ZBBX: variants seen among roughly 807,000 people sequenced by gnomAD.
ZBBX encodes the protein zinc finger B-box domain-containing protein 1.
In ZBBX, 101 loss-of-function variants were observed where a neutral mutation model predicts 108.5. That is an observed-to-expected ratio of 0.93 (90% confidence interval 0.79 to 1.10). The LOEUF (loss-of-function observed/expected upper bound fraction) is 1.10. ZBBX is among the 50% of genes least tolerant of loss of function. The pLI is 0.00. For synonymous variants in ZBBX, 356 were observed against 323.4 expected, an observed-to-expected ratio of 1.10 and a Z score of -1.08; for missense variants, 1,009 against 941.4, an observed-to-expected ratio of 1.07 and a Z score of -0.94.
intron 20 of ZBBX, among the ~76,000 whole-genome samples, chr3:167,277,816 A>T (rs1390191803): frequency 6.6e-6 from 1 of 152,188 alleles, no homozygotes; most frequent in African/African-American, 2.4e-5. Context: ...GCACCACACC[A>T]CATCTATTCC....
At chr3:167,234,774 T>C in the ZBBX span, among the ~76,000 whole-genome samples, 2 of 151,654 alleles carry the variant, frequency 1.3e-5, no homozygotes, top group African/African-American at 4.8e-5. Context: ...AACCCCAATT[T>C]TATTCTAAGA....
chr3:167,224,793 C>T, the ZBBX span, among the ~76,000 whole-genome samples: 76 of 151,958 alleles, frequency 5.0e-4, no homozygotes, highest in Non-Finnish European at 1.0e-3. Flanking sequence ...AATGGCAGTA[C>T]TATCTCCCAA....
At chr3:167,361,575 T>C (rs1237082981) in intron 6 of ZBBX, among the ~76,000 whole-genome samples, 1 of 152,150 alleles carries the variant, frequency 6.6e-6, no homozygotes, top group Non-Finnish European at 1.5e-5. Flanking sequence ...TCTGAAAATG[T>C]AGGCCTAATT....
the ZBBX span, among the ~76,000 whole-genome samples, chr3:167,184,289 G>T: frequency 7.9e-5 from 12 of 152,116 alleles, no homozygotes; most frequent in Non-Finnish European, 1.8e-4. Context: ...TTCCTTTGGT[G>T]CATGCCTGTT....
chr3:167,242,145 G>A (rs913648050), intron 21 of ZBBX, among the ~76,000 whole-genome samples: 1 of 151,904 alleles, frequency 6.6e-6, no homozygotes, highest in African/African-American at 2.4e-5. Context: ...ATTCACATTG[G>A]GTAGGATTCT....
intron 20 of ZBBX, among the ~76,000 whole-genome samples, chr3:167,268,114 G>A (rs768061321): frequency 1.5e-4 from 23 of 151,960 alleles, no homozygotes; most frequent in Non-Finnish European, 3.1e-4. Context: ...AGTCAGCTCT[G>A]ACTCTCTTCC....
At position 167,242,531 on chromosome 3, in the gene ZBBX, C is replaced by G. The variant is rs1720862294; in HGVS notation, c.2367G>C (p.Arg789Ser). The change falls in exon 21 of 22, where the codon AGG becomes AGC. Residue 789 changes from arginine to serine, a missense_variant. Arg to Ser is a moderately radical substitution (Grantham distance 110). Transcript: ENST00000675490. Reference sequence around the variant, plus strand: ...TCAATTCCTCAACTCCACAGGGACCCCTCACATGTGAGGTCTTAAGGAAAT... The same window carrying G: ...TCAATTCCTCAACTCCACAGGGACCGCTCACATGTGAGGTCTTAAGGAAAT... Reference protein sequence around the residue: ...STDFLKTSHVRGPCGVEELSC... With the variant: ...STDFLKTSHVSGPCGVEELSC... 1 of 1,612,414 alleles carries G rather than the reference C, an allele frequency of 6.2e-7. No homozygotes were observed. Among genetic ancestry groups the G allele is most frequent in the East Asian group, 2.2e-5 (1 of 44,766 alleles).
the ZBBX span, among the ~76,000 whole-genome samples, chr3:167,202,600 G>A: frequency 6.6e-6 from 1 of 152,000 alleles, no homozygotes; most frequent in Non-Finnish European, 1.5e-5. Context: ...AGAAATAAAA[G>A]CTTTAAAAAG....
intron 5 of ZBBX, chr3:167,366,947 T>G (rs1276473263): frequency 2.2e-6 from 1 of 455,766 alleles, no homozygotes; most frequent in African/African-American, 2.0e-5. Context: ...CAACATGAGA[T>G]GCTCTGATTA....
the ZBBX span, among the ~76,000 whole-genome samples, chr3:167,199,665 C>T: frequency 6.6e-6 from 1 of 152,116 alleles, no homozygotes; most frequent in Admixed American, 6.6e-5. Flanking sequence ...CTCCCACAAT[C>T]AATTCAAATG....
intron 4 of ZBBX, among the ~76,000 whole-genome samples, chr3:167,370,119 G>A (rs1745929724): frequency 6.6e-6 from 1 of 152,126 alleles, no homozygotes; most frequent in Non-Finnish European, 1.5e-5. Flanking sequence ...TGTATCAAAG[G>A]AAATCAATTA....
intron 12 of ZBBX, among the ~76,000 whole-genome samples, chr3:167,320,706 T>C (rs1736292372): frequency 6.6e-6 from 1 of 152,050 alleles, no homozygotes; most frequent in Non-Finnish European, 1.5e-5. Flanking sequence ...GTTAACATCA[T>C]CTGTAATAAG....
chr3:167,327,801 C>A, intron 11 of ZBBX, 141 bp downstream of exon 11: 1 of 815,572 alleles, frequency 1.2e-6, no homozygotes, highest in Non-Finnish European at 1.8e-6. Flanking sequence ...GTAATCCCAG[C>A]TACTCAGAAG....
chr3:167,324,748 T>C (rs537994480), intron 11 of ZBBX, among the ~76,000 whole-genome samples: 6 of 152,254 alleles, frequency 3.9e-5, no homozygotes, highest in Admixed American at 3.3e-4. Context: ...CTTGGTCCCA[T>C]TGAAGCATTC....
At chr3:167,327,307 G>A (rs1737574866) in intron 11 of ZBBX, among the ~76,000 whole-genome samples, 1 of 151,620 alleles carries the variant, frequency 6.6e-6, no homozygotes, top group African/African-American at 2.4e-5. Context: ...CATTTTATGT[G>A]TTACAATTAC....
intron 2 of ZBBX, among the ~76,000 whole-genome samples, chr3:167,376,666 A>G (rs892017500): frequency 2.0e-5 from 3 of 152,230 alleles, no homozygotes; most frequent in Non-Finnish European, 4.4e-5. Context: ...TCAGATTTAT[A>G]GCTCTGCTGA....
At chr3:167,383,357 C>T (rs1040047815), upstream of ZBBX, among the ~76,000 whole-genome samples, 1 of 151,932 alleles carries the variant, frequency 6.6e-6, no homozygotes, top group East Asian at 1.9e-4. Flanking sequence ...ATATAACATC[C>T]TATTACATAT....
chr3:167,396,647 T>A lies in ZBBX; in HGVS notation c.-446+11079A>T, dbSNP rs189254997. Reference sequence around the variant, plus strand: ...CGTTTATGGTTTATGAATGAGAGTATGTAACTGATTAAGTAAAAATAAACT... The same window carrying A: ...CGTTTATGGTTTATGAATGAGAGTAAGTAACTGATTAAGTAAAAATAAACT... On this transcript the variant is annotated intron_variant, in intron 1 of 21. Transcript: ENST00000455345. 1.1e-3 allele frequency among the ~76,000 whole-genome samples: 166 copies of A among 152,206 alleles called. 1 individual carries two copies. Among genetic ancestry groups the A allele is most frequent in the African/African-American group, 3.8e-3 (157 of 41,556 alleles).
chr3:167,323,410 A>T (rs1418894264), intron 11 of ZBBX, among the ~76,000 whole-genome samples: 1 of 152,080 alleles, frequency 6.6e-6, no homozygotes, highest in East Asian at 1.9e-4. Context: ...CCAAGAAATA[A>T]AGATGGGAGG....
Sources: allele counts gnomAD v4.1 joint callset (sites outside exome capture counted in the v4.1 genomes callset), GRCh38; gene constraint gnomAD v4.1.1; transcripts MANE v1.5; gene names NCBI Gene and HGNC (gene_info 2026-07-23, HGNC 2026-07-21).